TINAG: variants seen among roughly 807,000 people sequenced by gnomAD.
TINAG encodes tubulointerstitial nephritis antigen.
A neutral mutation model predicts 72.7 loss-of-function variants in TINAG; 83 were observed. That is an observed-to-expected ratio of 1.14 (90% confidence interval 0.96 to 1.37). The LOEUF is 1.37. Ranked by LOEUF, TINAG falls within the 40% of genes most tolerant of loss-of-function variation. The pLI, the probability that TINAG is intolerant of heterozygous loss-of-function variation, is 0.00. For synonymous variants in TINAG, 234 were observed against 189.9 expected (o/e 1.23, Z -1.91); for missense variants, 685 against 576.6 (o/e 1.19, Z -1.93).
At chr6:54,371,128 G>GTC in intron 9 of TINAG, among the ~76,000 whole-genome samples, 1 of 150,930 alleles carries the variant, frequency 6.6e-6, no homozygotes, top group Non-Finnish European at 1.5e-5. Flanking sequence ...GTGTGTGTGT[G>GTC]TGTGTGTGTG....
chr6:54,337,043 A>G (rs532319018), intron 4 of TINAG, among the ~76,000 whole-genome samples: 1 of 152,078 alleles, frequency 6.6e-6, no homozygotes, highest in East Asian at 1.9e-4. Context: ...TTTAAAGCCA[A>G]TGATTTTTGA....
intron 10 of TINAG, among the ~76,000 whole-genome samples, chr6:54,380,833 G>C (rs1467143941): frequency 6.6e-6 from 1 of 151,168 alleles, no homozygotes; most frequent in Non-Finnish European, 1.5e-5. Flanking sequence ...GGGTAACTTT[G>C]TTCTATTATC....
chr6:54,343,709 C>A (rs1785056236), intron 5 of TINAG, among the ~76,000 whole-genome samples: 1 of 151,274 alleles, frequency 6.6e-6, no homozygotes, highest in African/African-American at 2.4e-5. Context: ...ATAGACACAC[C>A]CACGTAATCC....
At chr6:54,340,761 A>G (rs73444742) in intron 4 of TINAG, among the ~76,000 whole-genome samples, 2,012 of 152,108 alleles carry the variant, frequency 0.013, 55 homozygotes, top group African/African-American at 0.045. Flanking sequence ...TAAAAGTGTC[A>G]TTTTGCTTGT....
chr6:54,357,148 C>G (rs920565930), intron 9 of TINAG, among the ~76,000 whole-genome samples: 5 of 151,888 alleles, frequency 3.3e-5, no homozygotes, highest in African/African-American at 9.7e-5. Context: ...TGGTCAGATC[C>G]CAGACCTGCC....
chr6:54,351,610 A>G (rs1169060194), intron 8 of TINAG, among the ~76,000 whole-genome samples: 1 of 151,982 alleles, frequency 6.6e-6, no homozygotes, highest in African/African-American at 2.4e-5. Flanking sequence ...AGATAGACTC[A>G]TTTATAAATT....
rs1170540396 is a variant in TINAG at position 54,390,075 on chromosome 6, GCTT to G, written c.*153_*155del. ...TTTCTTATTTTCCCCTCTGGTCTAT[GCTT>G]CTGCTTCCTTCATATTACTGAGCAT... On this transcript the variant is annotated 3_prime_UTR_variant, in exon 11 of 11. Coordinates refer to ENST00000259782, the MANE Select transcript of TINAG (RefSeq NM_014464.4). 4 of 1,055,260 alleles carry G rather than the reference GCTT, an allele frequency of 3.8e-6. No individual in the cohort carries two copies. The highest frequency in any genetic ancestry group is 5.3e-6 in the Non-Finnish European group (4 of 750,744). 65.4% of individuals were successfully genotyped at this position (1,055,260 alleles called of 1,614,324 possible).
rs189227277 is a variant in TINAG, at chr6:54,355,263, T to C, written c.1250+627T>C. On this transcript the variant is annotated intron_variant, in intron 9 of 10. Coordinates refer to ENST00000259782, the MANE Select transcript of TINAG (RefSeq NM_014464.4). ...ATTTTATTCTGACTAAAACATCTCA[T>C]AATGTCTCACTCTAGTTCAAATGAA... Among the ~76,000 whole-genome samples, 291 of 152,054 alleles carry C rather than the reference T, an allele frequency of 1.9e-3. 1 individual carries two copies. The highest frequency in any genetic ancestry group is 6.8e-3 in the African/African-American group (281 of 41,550).
At chr6:54,344,859 T>C (rs2150955897) in intron 5 of TINAG, among the ~76,000 whole-genome samples, 1 of 152,272 alleles carries the variant, frequency 6.6e-6, no homozygotes, top group Middle Eastern at 3.4e-3. Flanking sequence ...CAATTCTTTT[T>C]TGTGTTAAAT....
intron 1 of TINAG, among the ~76,000 whole-genome samples, chr6:54,314,762 T>C (rs1446531395): frequency 6.6e-6 from 1 of 152,132 alleles, no homozygotes; most frequent in Non-Finnish European, 1.5e-5. Flanking sequence ...AGGCATACAG[T>C]GCATACAAAA....
rs1785214057 is a variant in TINAG at position 54,349,697 on chromosome 6, C to A, written c.900-19C>A. 3 of 1,516,264 alleles carry A rather than the reference C, an allele frequency of 2.0e-6. No individual in the cohort carries two copies. The highest frequency in any genetic ancestry group is 8.9e-7 in the Non-Finnish European group (1 of 1,121,846). 93.9% of individuals were successfully genotyped at this position (1,516,264 alleles called of 1,614,324 possible). A position where few individuals can be genotyped will look rare whatever the true frequency, so the allele number is the denominator to read the frequency against. On this transcript the variant is annotated intron_variant, in intron 6 of 10. Transcript: ENST00000259782. ...ATTCTCCTAAATATTACCTTTGCTT[C>A]TTTGCTTATTCCTCATAGACTGGTA...
At chr6:54,328,815 T>C (rs916493131) in intron 4 of TINAG, among the ~76,000 whole-genome samples, 3 of 151,464 alleles carry the variant, frequency 2.0e-5, no homozygotes, top group African/African-American at 7.3e-5. Context: ...ACACAAGAAC[T>C]TCATGAAGCA....
intron 4 of TINAG, among the ~76,000 whole-genome samples, chr6:54,342,608 T>C (rs1277146401): frequency 6.6e-6 from 1 of 152,106 alleles, no homozygotes. Context: ...GACCTTGTGA[T>C]CCACCCGCCT....
At position 54,320,627 on chromosome 6, in the gene TINAG, A is replaced by C; in HGVS notation, c.404A>C (p.Glu135Ala). ...TATGAAGAGGGATCAGTAATTAAAG[A>C]AAACTGCAACTCCTGGTAATAAATT... ...QHYEEGSVIK[E>A]NCNSCTCSGQ... Residue 135 changes from glutamate to alanine, a missense_variant, in exon 2 of 11, where the codon GAA (glutamate) becomes GCA (alanine). By Grantham distance (107) the Glu-to-Ala change is moderately radical (BLOSUM62 -1). Transcript: ENST00000259782. 6.2e-7 allele frequency: 1 copy of C among 1,608,942 alleles called. No homozygotes were observed. Among genetic ancestry groups the C allele is most frequent in the South Asian group, 1.1e-5 (1 of 89,960 alleles).
intron 5 of TINAG, among the ~76,000 whole-genome samples, chr6:54,345,863 G>C (rs1335596111): frequency 6.6e-6 from 1 of 151,940 alleles, no homozygotes; most frequent in East Asian, 1.9e-4. Flanking sequence ...ATATGTAAAT[G>C]AATTAAATGA....
intron 9 of TINAG, among the ~76,000 whole-genome samples, chr6:54,360,839 G>GTTTTTTTTTTTTTTTTTTTTTT (rs773926586): frequency 5.9e-5 from 1 of 16,924 alleles, no homozygotes; most frequent in African/African-American, 1.7e-4. Context: ...CACAGATACT[G>GTTTTTTTTTTTTTTTTTTTTTT]TGTTTTTTTT....
At chr6:54,350,035 T>C in intron 7 of TINAG, 139 bp downstream of exon 7, 2 of 563,622 alleles carry the variant, frequency 3.5e-6, no homozygotes, top group Non-Finnish European at 5.0e-6. Context: ...TAATTTTTAA[T>C]ATTTTTAAGG....
chr6:54,308,917 G>T lies in TINAG; in HGVS notation c.355+12G>T, dbSNP rs1784176306. On this transcript the variant is annotated intron_variant, in intron 1 of 10. Coordinates refer to ENST00000259782, the MANE Select transcript of TINAG (RefSeq NM_014464.4). ...TTGGTATCCAGAAGGTAGGCTTTGG[G>T]AATGTGTTTCAACATCATCCTCGTT... is the stretch of plus-strand genomic sequence containing the variant. 6.3e-7 allele frequency: 1 copy of T among 1,586,934 alleles called. No individual in the cohort carries two copies. Among genetic ancestry groups the T allele is most frequent in the East Asian group, 2.2e-5 (1 of 44,630 alleles).
intron 4 of TINAG, among the ~76,000 whole-genome samples, chr6:54,336,663 GT>G (rs1784871921): frequency 6.6e-6 from 1 of 152,162 alleles, no homozygotes; most frequent in South Asian, 2.1e-4. Context: ...ATTAAAATTT[GT>G]TTCTTTAGCA....
Sources: allele counts gnomAD v4.1 joint callset (sites outside exome capture counted in the v4.1 genomes callset), GRCh38; gene constraint gnomAD v4.1.1; transcripts MANE v1.5; gene names NCBI Gene and HGNC (gene_info 2026-07-23, HGNC 2026-07-21).